BMP1: variants seen among roughly 807,000 people sequenced by gnomAD.
BMP1 encodes mammalian tolloid protein.
Under a neutral mutation model 116.8 loss-of-function variants are expected in BMP1, and 63 were observed. The observed-to-expected ratio is 0.54, with a 90% CI of 0.44 to 0.67. The LOEUF (loss-of-function observed/expected upper bound fraction) is 0.67. Among genes scored for constraint, BMP1 ranks in the 30% least tolerant of loss-of-function variants. BMP1 has a pLI of 0.00. For missense variants in BMP1, 1,183 were observed against 1,358.9 expected, an observed-to-expected ratio of 0.87 and a Z score of 2.04; for synonymous variants, 536 against 533.4, an observed-to-expected ratio of 1.00 and a Z score of -0.07.
At chr8:22,190,028 C>T (rs1406353255) in intron 8 of BMP1, among the ~76,000 whole-genome samples, 1 of 152,158 alleles carries the variant, frequency 6.6e-6, no homozygotes, top group Non-Finnish European at 1.5e-5. Flanking sequence ...TCAAGCGATT[C>T]TCCTGCCTCA....
In BMP1 at chr8:22,192,077, T is replaced by A; in HGVS notation, c.1106T>A (p.Leu369Gln). The change falls in exon 9 of 20, where the codon CTG becomes CAG. Residue 369 changes from leucine (L) to glutamine (Q), a missense_variant. Leu to Gln is a moderately radical substitution (Grantham distance 113). Around this residue, in one of 4 missense-constraint regions of BMP1, gnomAD observed 956 missense variants for 1,135.2 expected, o/e 0.84. Transcript: ENST00000306385. ...ATCCTGAACTTCACGTCCCTGGACC[T>A]GTACCGCAGCCGCCTGTGCTGGTAC... ...KIILNFTSLD[L>Q]YRSRLCWYDY... 1 of 1,613,954 alleles carries A rather than the reference T, an allele frequency of 6.2e-7. No individual in the cohort carries two copies. Among genetic ancestry groups the A allele is most frequent in the African/African-American group, 1.3e-5 (1 of 75,066 alleles).
At chr8:22,182,491 C>G (rs973814036) in intron 8 of BMP1, among the ~76,000 whole-genome samples, 1 of 152,202 alleles carries the variant, frequency 6.6e-6, no homozygotes, top group Non-Finnish European at 1.5e-5. Context: ...TGAGACCATA[C>G]CTTGGTCATC....
intron 1 of BMP1, among the ~76,000 whole-genome samples, chr8:22,165,884 T>TGCGTGC (rs1481859671): frequency 1.0e-5 from 1 of 100,330 alleles, no homozygotes; most frequent in African/African-American, 4.1e-5. Flanking sequence ...TGTGCGTGCG[T>TGCGTGC]GTGTGTGTGT....
At chr8:22,209,366 G>A (rs1829420159) in intron 18 of BMP1, 79 bp from the exon 19 acceptor site, 2 of 1,559,102 alleles carry the variant, frequency 1.3e-6, no homozygotes, top group Non-Finnish European at 1.7e-6. Flanking sequence ...CTGCCGTGAG[G>A]GCACGCCATG....
chr8:22,173,777 A>G, intron 2 of BMP1, 62 bp downstream of exon 2: 1 of 1,384,062 alleles, frequency 7.2e-7, no homozygotes, highest in Non-Finnish European at 1.0e-6. Context: ...TAGGGAAACA[A>G]GGAATCTCCC....
chr8:22,207,977 G>C (rs938079554), intron 18 of BMP1, among the ~76,000 whole-genome samples: 1 of 152,096 alleles, frequency 6.6e-6, no homozygotes, highest in Non-Finnish European at 1.5e-5. Flanking sequence ...TCCACTTCCT[G>C]GGTTCAAGCG....
At chr8:22,190,441 C>T (rs1430608274) in intron 8 of BMP1, among the ~76,000 whole-genome samples, 1 of 152,036 alleles carries the variant, frequency 6.6e-6, no homozygotes, top group Non-Finnish European at 1.5e-5. Flanking sequence ...GGTTGAAAGT[C>T]GCAGTGATGA....
chr8:22,199,381 C>G (rs747683487), intron 15 of BMP1: 1 of 1,287,702 alleles, frequency 7.8e-7, no homozygotes, highest in Non-Finnish European at 1.0e-6. Context: ...CATTTGGGCA[C>G]TGTAGGGTGA....
chr8:22,167,716 C>T (rs759731584), intron 1 of BMP1, among the ~76,000 whole-genome samples: 4 of 152,110 alleles, frequency 2.6e-5, no homozygotes, highest in Admixed American at 6.5e-5. Flanking sequence ...GGGCTGGGGG[C>T]GGCTGAGAGG....
chr8:22,206,347 C>A (rs755675182), intron 16 of BMP1, among the ~76,000 whole-genome samples: 31 of 151,950 alleles, frequency 2.0e-4, no homozygotes, highest in Non-Finnish European at 3.2e-4. Flanking sequence ...ACTAAAAATA[C>A]AAAAATTAGC....
At position 22,194,520 on chromosome 8, in the gene BMP1, GC is replaced by G; in HGVS notation, c.1374del (p.Ser458ArgfsTer294). ...SPNYPDDYRP[S>X]KVCIWRIQVS... ...AACTACCCAGACGATTACCGGCCCA[GC>G]AAAGTCTGCATCTGGCGGATCCAGG... is the stretch of plus-strand genomic sequence containing the variant. On this transcript the variant is annotated frameshift_variant, in exon 11 of 20. Coordinates refer to ENST00000306385, the MANE Select transcript of BMP1 (RefSeq NM_006129.5). LOFTEE classifies it high-confidence loss of function. This position sits in a 1 kb window ranked among gnomAD's most constrained non-coding sequence, Gnocchi z 4.5. The G allele has an allele frequency of 6.2e-7, 1 of 1,614,204 alleles. No homozygotes were observed.
At chr8:22,165,925 GTT>G (rs1491126235) in intron 1 of BMP1, among the ~76,000 whole-genome samples, 9 of 146,990 alleles carry the variant, frequency 6.1e-5, no homozygotes, top group Non-Finnish European at 9.0e-5. Context: ...GTGTGTGTGT[GTT>G]CTTTCCCCTT....
intron 19 of BMP1, among the ~76,000 whole-genome samples, chr8:22,210,526 C>T (rs1282012258): frequency 3.3e-5 from 5 of 150,866 alleles, no homozygotes; most frequent in Non-Finnish European, 7.4e-5. Context: ...ATACACTGGC[C>T]CTCCTGTCAC....
chr8:22,176,358 C>T (rs776145556), intron 3 of BMP1, 45 bp downstream of exon 3: 1 of 1,566,846 alleles, frequency 6.4e-7, no homozygotes, highest in South Asian at 1.2e-5. Context: ...AGCTTCCGGG[C>T]CTGGCCTTGT....
chr8:22,196,714 C>T lies in BMP1; in HGVS notation c.1800C>T (p.Gly600=). The T allele has an allele frequency of 6.2e-7, 1 of 1,614,160 alleles. No homozygotes were observed. The change falls in exon 14 of 20, where the codon GGC becomes GGT. Residue 600 remains glycine, a synonymous_variant. Coordinates refer to ENST00000306385, the MANE Select transcript of BMP1 (RefSeq NM_006129.5). ...GCGGATTCCTCACCAAGCTCAACGG[C>T]TCCATCACCAGCCCGGGCTGGCCCA... The part of the protein sequence containing the change: ...ACGGFLTKLN[G]SITSPGWPKE...
chr8:22,176,683 G>A (rs1828446440), intron 4 of BMP1, 33 bp downstream of exon 4: 4 of 1,606,234 alleles, frequency 2.5e-6, no homozygotes, highest in South Asian at 1.1e-5. Context: ...TGTACCTTCC[G>A]CCATTGCCCC....
At chr8:22,171,622 T>C (rs924187059) in intron 1 of BMP1, 3 of 152,188 alleles carry the variant, frequency 2.0e-5, no homozygotes, top group African/African-American at 7.2e-5. Flanking sequence ...TATATGTATT[T>C]ACAGTAGGGG....
intron 8 of BMP1, among the ~76,000 whole-genome samples, chr8:22,188,018 G>A (rs1318887219): frequency 6.6e-6 from 1 of 152,044 alleles, no homozygotes; most frequent in East Asian, 1.9e-4. Context: ...GCACACTGTG[G>A]CCAGAAGAGA....
At chr8:22,193,839 T>C (rs1040573218) in intron 9 of BMP1, among the ~76,000 whole-genome samples, 1 of 152,192 alleles carries the variant, frequency 6.6e-6, no homozygotes, top group African/African-American at 2.4e-5. Context: ...CTCCTAGAAA[T>C]AGACTCATAT....
Sources: allele counts gnomAD v4.1 joint callset (sites outside exome capture counted in the v4.1 genomes callset), GRCh38; gene constraint gnomAD v4.1.1; regional missense constraint gnomAD v4.1.1; non-coding constraint Gnocchi (gnomAD v3.1); transcripts MANE v1.5; gene names NCBI Gene and HGNC (gene_info 2026-07-23, HGNC 2026-07-21).